Variants in CLSTN2 observed in about 807,000 individuals in gnomAD.
The protein encoded by CLSTN2 is calsyntenin 2, also known as calsyntenin-2.
CLSTN2 carries 48 observed loss-of-function variants against 101.2 expected under a neutral mutation model. The ratio of observed to expected loss-of-function variants is 0.47; its 90% CI spans 0.38 to 0.60. The LOEUF (loss-of-function observed/expected upper bound fraction) is 0.60, where lower values mean the gene tolerates loss of function less well. CLSTN2 is among the 20% of genes least tolerant of loss of function. CLSTN2 has a pLI of 0.00. For synonymous variants in CLSTN2, 481 were observed against 463.6 expected, an observed-to-expected ratio of 1.04 and a Z score of -0.48; for missense variants, 1,160 against 1,238.2, an observed-to-expected ratio of 0.94 and a Z score of 0.95.
chr3:140,419,789 GTATACGTGTA>G lies in CLSTN2; in HGVS notation c.638-1318_638-1309del, dbSNP rs1447233375. Among the ~76,000 whole-genome samples the G allele has an allele frequency of 1.1e-4, 5 of 45,258 alleles. 1 individual carries two copies. Among genetic ancestry groups the G allele is most frequent in the Middle Eastern group, 0.014 (1 of 72 alleles). The allele number at this position is 45,258 out of a possible 152,430, so 29.7% of individuals were successfully genotyped here. ...TACACGTGTATACACGTATATACAC[GTATACGTGTA>G]TATACGTGTATATACGTATATATAC... On this transcript the variant is annotated intron_variant, in intron 4 of 16. Coordinates refer to ENST00000458420, the MANE Select transcript of CLSTN2 (RefSeq NM_022131.3).
chr3:140,248,805 G>C (rs919765223), intron 2 of CLSTN2, among the ~76,000 whole-genome samples: 1 of 152,118 alleles, frequency 6.6e-6, no homozygotes, highest in Non-Finnish European at 1.5e-5. Context: ...GAGACAGAAG[G>C]AACTACAGTC....
chr3:140,009,937 C>T (rs1244375882), intron 1 of CLSTN2, among the ~76,000 whole-genome samples: 1 of 152,210 alleles, frequency 6.6e-6, no homozygotes, highest in Non-Finnish European at 1.5e-5. Context: ...CTTCATGAGG[C>T]TCACATTTGA....
chr3:140,101,834 T>C (rs1373409738), intron 1 of CLSTN2, among the ~76,000 whole-genome samples: 1 of 152,120 alleles, frequency 6.6e-6, no homozygotes, highest in East Asian at 1.9e-4. Flanking sequence ...TTAACTGCGC[T>C]GGCCCAGAAG....
chr3:140,403,798 C>T lies in CLSTN2; in HGVS notation c.402C>T (p.His134=), dbSNP rs368696603. 3.8e-5 allele frequency: 61 copies of T among 1,612,092 alleles called. No homozygotes were observed. In the Middle Eastern group the frequency reaches 1.2e-3, roughly 31 times the overall value. Residue 134 remains histidine, a synonymous_variant, in exon 3 of 17, where the codon CAC becomes CAT. Coordinates refer to ENST00000458420, the MANE Select transcript of CLSTN2 (RefSeq NM_022131.3). Reference sequence around the variant, plus strand: ...CCTATGACTGTGGTGCTGGGCCCCACGAGACAGCCTGGAAAAAGTCACACA... The same window carrying T: ...CCTATGACTGTGGTGCTGGGCCCCATGAGACAGCCTGGAAAAAGTCACACA... ...IQAYDCGAGP[H]ETAWKKSHKA...
intron 2 of CLSTN2, among the ~76,000 whole-genome samples, chr3:140,338,874 T>C (rs999591515): frequency 6.6e-6 from 1 of 152,276 alleles, no homozygotes; most frequent in Admixed American, 6.5e-5. Flanking sequence ...TAATCCAAAA[T>C]GCACTGAGTT....
chr3:140,400,637 T>C (rs1410073431), intron 2 of CLSTN2, among the ~76,000 whole-genome samples: 1 of 152,066 alleles, frequency 6.6e-6, no homozygotes, highest in African/African-American at 2.4e-5. Flanking sequence ...AGTTTGAGGC[T>C]GCAGTGAGCT....
At chr3:140,134,252 CT>C (rs915344183) in intron 1 of CLSTN2, among the ~76,000 whole-genome samples, 2 of 152,166 alleles carry the variant, frequency 1.3e-5, no homozygotes, top group African/African-American at 4.8e-5. Context: ...TCCTCTCCCC[CT>C]ATGTGCTCAT....
intron 8 of CLSTN2, chr3:140,508,370 T>C (rs750822989): frequency 6.6e-6 from 1 of 152,260 alleles, no homozygotes; most frequent in Non-Finnish European, 1.5e-5. Context: ...CCAGGGTCGC[T>C]AGCTCTTAAT....
chr3:139,949,346 T>A (rs779645566), intron 1 of CLSTN2, among the ~76,000 whole-genome samples: 12 of 152,194 alleles, frequency 7.9e-5, no homozygotes, highest in Non-Finnish European at 1.8e-4. Context: ...GGCTGGTGTG[T>A]GGAGTTTTCC....
intron 2 of CLSTN2, among the ~76,000 whole-genome samples, chr3:140,186,226 T>C (rs1274790927): frequency 3.3e-5 from 5 of 152,188 alleles, no homozygotes; most frequent in Non-Finnish European, 5.9e-5. Context: ...TGCCAGTAAT[T>C]GGACTGCTTA....
intron 2 of CLSTN2, among the ~76,000 whole-genome samples, chr3:140,335,325 A>G (rs1430803350): frequency 6.6e-6 from 1 of 152,210 alleles, no homozygotes; most frequent in East Asian, 1.9e-4. Context: ...ATATGGTGGT[A>G]GTAGTTAAAG....
chr3:140,507,828 C>T (rs767275223), intron 8 of CLSTN2: 36 of 152,124 alleles, frequency 2.4e-4, no homozygotes, highest in South Asian at 2.1e-4. Flanking sequence ...TGTGTGACCT[C>T]ATACCAATAA....
intron 1 of CLSTN2, among the ~76,000 whole-genome samples, chr3:140,010,544 T>G (rs1436013352): frequency 6.6e-6 from 1 of 152,204 alleles, no homozygotes; most frequent in African/African-American, 2.4e-5. Context: ...TTCCTGATAA[T>G]TCCATCAAAC....
chr3:140,503,376 C>T (rs992099527), intron 8 of CLSTN2, among the ~76,000 whole-genome samples: 1 of 152,222 alleles, frequency 6.6e-6, no homozygotes, highest in Non-Finnish European at 1.5e-5. Context: ...TAAACACATA[C>T]TTACCATCAT....
At chr3:140,162,071 T>C (rs561607040) in intron 1 of CLSTN2, among the ~76,000 whole-genome samples, 1 of 152,232 alleles carries the variant, frequency 6.6e-6, no homozygotes, top group Non-Finnish European at 1.5e-5. Flanking sequence ...TTATCTTTAA[T>C]GTCTGGCTTA....
In CLSTN2 at chr3:140,421,105, T is replaced by C; in HGVS notation, c.638-20T>C. Reference sequence around the variant, plus strand: ...CAGTTAAATTGACCTGAAATGCTTTTGAACATCTCTGTTCCTCAGGCAACA... The same window carrying C: ...CAGTTAAATTGACCTGAAATGCTTTCGAACATCTCTGTTCCTCAGGCAACA... On this transcript the variant is annotated intron_variant, in intron 4 of 16. Coordinates refer to ENST00000458420, the MANE Select transcript of CLSTN2 (RefSeq NM_022131.3). 6.2e-7 allele frequency: 1 copy of C among 1,610,846 alleles called. No individual in the cohort carries two copies. The highest frequency in any genetic ancestry group is 8.5e-7 in the Non-Finnish European group (1 of 1,178,542).
At chr3:140,248,322 T>C (rs2086533958) in intron 2 of CLSTN2, among the ~76,000 whole-genome samples, 1 of 152,204 alleles carries the variant, frequency 6.6e-6, no homozygotes, top group African/African-American at 2.4e-5. Context: ...AACAAGGAGC[T>C]TTCTCCTGAT....
intron 2 of CLSTN2, among the ~76,000 whole-genome samples, chr3:140,215,002 TA>T (rs1048294952): frequency 6.6e-6 from 1 of 152,216 alleles, no homozygotes; most frequent in Admixed American, 6.5e-5. Context: ...AATGTAAATC[TA>T]GGGCAAGGGG....
chr3:140,055,514 AC>A (rs2008080507), intron 1 of CLSTN2, among the ~76,000 whole-genome samples: 1 of 152,214 alleles, frequency 6.6e-6, no homozygotes, highest in Non-Finnish European at 1.5e-5. Flanking sequence ...AGGTTAACCA[AC>A]CTGCAGGTTA....
Sources: allele counts gnomAD v4.1 joint callset (sites outside exome capture counted in the v4.1 genomes callset), GRCh38; gene constraint gnomAD v4.1.1; transcripts MANE v1.5; gene names NCBI Gene and HGNC (gene_info 2026-07-23, HGNC 2026-07-21).